BRWD1: variants seen among roughly 807,000 people sequenced by gnomAD.
The protein encoded by BRWD1 is bromodomain and WD repeat domain containing 1, also known as bromodomain and WD repeat-containing protein 1.
A neutral mutation model predicts 251.2 loss-of-function variants in BRWD1; 82 were observed. The ratio of observed to expected loss-of-function variants is 0.33; its 90% CI spans 0.27 to 0.39. The LOEUF (loss-of-function observed/expected upper bound fraction) is 0.39. Among genes scored for constraint, BRWD1 ranks in the 10% least tolerant of loss-of-function variants. The pLI is 1.00. For synonymous variants in BRWD1, 918 were observed against 902.8 expected, an observed-to-expected ratio of 1.02 and a Z score of -0.30; for missense variants, 2,233 against 2,711.6, an observed-to-expected ratio of 0.82 and a Z score of 3.92.
intron 13 of BRWD1, among the ~76,000 whole-genome samples, chr21:39,272,068 C>CA (rs374454252): frequency 0.018 from 2,230 of 126,358 alleles, 54 homozygotes; most frequent in African/African-American, 0.06. Flanking sequence ...TATGTAATTA[C>CA]AAAAAAAAAA....
intron 8 of BRWD1, among the ~76,000 whole-genome samples, chr21:39,282,322 T>C (rs527641836): frequency 6.6e-6 from 1 of 152,044 alleles, no homozygotes; most frequent in Admixed American, 6.5e-5. Context: ...ATAGTGCCAT[T>C]AACAGAAAGC....
At chr21:39,290,314 C>A (rs1235837699) in intron 8 of BRWD1, among the ~76,000 whole-genome samples, 1 of 151,568 alleles carries the variant, frequency 6.6e-6, no homozygotes, top group African/African-American at 2.4e-5. Context: ...ACAGTGAAAC[C>A]CCATCTCTAC....
intron 36 of BRWD1, among the ~76,000 whole-genome samples, chr21:39,207,484 A>AT (rs1555849299): frequency 7.0e-6 from 1 of 142,694 alleles, no homozygotes; most frequent in Non-Finnish European, 1.5e-5. Context: ...ACACACACAC[A>AT]AACAAAACTC....
intron 4 of BRWD1, among the ~76,000 whole-genome samples, chr21:39,302,349 T>A (rs758196729): frequency 6.6e-6 from 1 of 151,960 alleles, no homozygotes; most frequent in Non-Finnish European, 1.5e-5. Flanking sequence ...CACAAATAGG[T>A]CCCATGGAAG....
At position 39,187,294 on chromosome 21, in the gene BRWD1, C is replaced by T. The variant is rs1555842749; in HGVS notation, c.*8965G>A. The T allele has an allele frequency of 1.2e-6, 2 of 1,613,968 alleles. No individual in the cohort carries two copies. Among genetic ancestry groups the T allele is most frequent in the Non-Finnish European group, 1.7e-6 (2 of 1,179,926 alleles). On this transcript the variant is annotated 3_prime_UTR_variant, in exon 41 of 41. Coordinates refer to ENST00000342449, the MANE Select transcript of BRWD1 (RefSeq NM_033656.4). ...ATTTGCAGCAACAGTAGCACATCTG[C>T]GGGGAACTTTCTCAGGTACCATTTT...
At chr21:39,260,150 A>C (rs1364591576) in intron 17 of BRWD1, among the ~76,000 whole-genome samples, 1 of 152,236 alleles carries the variant, frequency 6.6e-6, no homozygotes, top group Non-Finnish European at 1.5e-5. Flanking sequence ...AAGGCAGTAC[A>C]TAGAGGCTTA....
chr21:39,253,690 A>G (rs1325012567), intron 19 of BRWD1, among the ~76,000 whole-genome samples: 1 of 152,234 alleles, frequency 6.6e-6, no homozygotes, highest in Non-Finnish European at 1.5e-5. Context: ...GTACTATCTA[A>G]TAACACTCCA....
chr21:39,308,280 G>A (rs184661868), intron 4 of BRWD1, among the ~76,000 whole-genome samples: 83 of 152,130 alleles, frequency 5.5e-4, no homozygotes, highest in African/African-American at 1.8e-3. Context: ...TCAGGAGTTC[G>A]AGACTAGCCG....
intron 32 of BRWD1, among the ~76,000 whole-genome samples, chr21:39,214,394 A>G (rs2032793293): frequency 6.6e-6 from 1 of 152,200 alleles, no homozygotes; most frequent in African/African-American, 2.4e-5. Context: ...AAAATACCAA[A>G]CAAAATCCAA....
Position 39,193,914 on chromosome 21 carries a change from A to G in BRWD1, c.*2345T>C. 1.0e-6 allele frequency: 1 copy of G among 985,570 alleles called. No homozygotes were observed. Among genetic ancestry groups the G allele is most frequent in the Non-Finnish European group, 1.2e-6 (1 of 829,694 alleles). 61.1% of individuals were successfully genotyped at this position (985,570 alleles called of 1,614,324 possible). On this transcript the variant is annotated 3_prime_UTR_variant, in exon 41 of 41. Transcript: ENST00000342449. ...CATATTCAAAGTTAACCTTAGGAATAGCACCATAACCAAAAAAACCCATAA... is the reference window on the plus strand; with the variant it reads ...CATATTCAAAGTTAACCTTAGGAATGGCACCATAACCAAAAAAACCCATAA...
Position 39,188,991 on chromosome 21 carries a change from A to C in BRWD1, c.*7268T>G. ...GACTCTGTGGGAAGAGAAGTGGCTT[A>C]AAGTGCACTGTGTTTACCACTTCAA... is the stretch of plus-strand genomic sequence containing the variant. On this transcript the variant is annotated 3_prime_UTR_variant, in exon 41 of 41. Coordinates refer to ENST00000342449, the MANE Select transcript of BRWD1 (RefSeq NM_033656.4). 1 of 985,416 alleles carries C rather than the reference A, an allele frequency of 1.0e-6. No homozygotes were observed. 61.0% of individuals were successfully genotyped at this position (985,416 alleles called of 1,614,324 possible).
chr21:39,209,447 A>G (rs1387595740), intron 36 of BRWD1, among the ~76,000 whole-genome samples: 1 of 151,908 alleles, frequency 6.6e-6, no homozygotes, highest in African/African-American at 2.4e-5. Flanking sequence ...AAAAAAAAAA[A>G]AAAGAAAAAG....
rs1439812330 is a variant in BRWD1, at chr21:39,313,511, G to C, written c.-20C>G. The C allele has an allele frequency of 3.8e-6, 5 of 1,331,680 alleles. No individual in the cohort carries two copies. 82.5% of individuals were successfully genotyped at this position (1,331,680 alleles called of 1,614,324 possible). On this transcript the variant is annotated 5_prime_UTR_variant, in exon 1 of 41. Coordinates refer to ENST00000342449, the MANE Select transcript of BRWD1 (RefSeq NM_033656.4). ...CGCCATGGCCGGGCGCGGGGCGGGA[G>C]GCGGGAGCGAGCGAGCGAGCGGAGC...
intron 5 of BRWD1, chr21:39,297,580 A>T: frequency 3.5e-6 from 1 of 287,858 alleles, no homozygotes; most frequent in Non-Finnish European, 5.2e-6. Flanking sequence ...AAGAATATAA[A>T]CAGTGTCCTG....
downstream of BRWD1, chr21:39,185,306 A>AT (rs1209870803): frequency 2.7e-3 from 410 of 150,008 alleles, 3 homozygotes; most frequent in African/African-American, 9.7e-3. Flanking sequence ...AAAAAAAAAA[A>AT]AAAAAAAAAA....
In BRWD1 at chr21:39,206,135, C is replaced by T. The variant is rs1243761494; in HGVS notation, c.4337G>A (p.Gly1446Asp). 3.7e-6 allele frequency: 6 copies of T among 1,612,628 alleles called. No homozygotes were observed. The highest frequency in any genetic ancestry group is 2.7e-5 in the African/African-American group (2 of 74,926). Residue 1446 changes from glycine to aspartate, a missense_variant, in exon 37 of 41, where the codon GGT becomes GAT. Around this residue, in one of 12 missense-constraint regions of BRWD1, gnomAD observed 928 missense variants for 970.0 expected, o/e 0.96. Coordinates refer to ENST00000342449, the MANE Select transcript of BRWD1 (RefSeq NM_033656.4). ...GATACTTTTGTTAGGCTGACTGTCA[C>T]CTTTACAATTTTGCCGTTGCTTGAA... ...QRFKQRQNCK[G>D]DSQPNKSIRN...
chr21:39,318,017 TCCA>T (rs1389163767), upstream of BRWD1, among the ~76,000 whole-genome samples: 1 of 152,122 alleles, frequency 6.6e-6, no homozygotes, highest in Non-Finnish European at 1.5e-5. Flanking sequence ...ACCACTGTGC[TCCA>T]GCCTGGGCAA....
At chr21:39,318,197 A>C (rs974486941), upstream of BRWD1, among the ~76,000 whole-genome samples, 2 of 152,222 alleles carry the variant, frequency 1.3e-5, no homozygotes, top group African/African-American at 4.8e-5. Context: ...ACAACGTTAA[A>C]TATGAATGCA....
At position 39,214,629 on chromosome 21, in the gene BRWD1, A is replaced by AT. The variant is rs540613841; in HGVS notation, c.3785+607dup. ...TTTCTGTCAATAGCATGGTACCAAG[A>AT]TTTTTTTTTTAACATTTCATAAGTA... On this transcript the variant is annotated intron_variant, in intron 32 of 40. Coordinates refer to ENST00000342449, the MANE Select transcript of BRWD1 (RefSeq NM_033656.4). Among the ~76,000 whole-genome samples the AT allele has an allele frequency of 1.7e-3, 259 of 150,200 alleles. 2 individuals are homozygous for AT. Among genetic ancestry groups the AT allele is most frequent in the Non-Finnish European group, 2.2e-3 (149 of 67,354 alleles).
Sources: allele counts gnomAD v4.1 joint callset (sites outside exome capture counted in the v4.1 genomes callset), GRCh38; gene constraint gnomAD v4.1.1; regional missense constraint gnomAD v4.1.1; transcripts MANE v1.5; gene names NCBI Gene and HGNC (gene_info 2026-07-23, HGNC 2026-07-21).